THSD4: variants seen among roughly 807,000 people sequenced by gnomAD.
The protein encoded by THSD4 is thrombospondin type 1 domain containing 4, also known as thrombospondin type-1 domain-containing protein 4.
A neutral mutation model predicts 119.0 loss-of-function variants in THSD4; 69 were observed. That is an observed-to-expected ratio of 0.58 (90% CI 0.48 to 0.71). The LOEUF (loss-of-function observed/expected upper bound fraction) is 0.71, where lower values mean the gene tolerates loss of function less well. THSD4 is among the 30% of genes least tolerant of loss of function. The probability of loss-of-function intolerance (pLI) is 0.00; values close to 1 mark genes in which losing one functional copy is unlikely to be tolerated. For missense variants in THSD4, 1,393 were observed against 1,391.1 expected (o/e 1.00, Z -0.02); for synonymous variants, 524 against 540.4 (o/e 0.97, Z 0.42).
At chr15:71,368,296 C>A (rs1400726839) in intron 6 of THSD4, among the ~76,000 whole-genome samples, 3 of 152,102 alleles carry the variant, frequency 2.0e-5, no homozygotes. Context: ...GAATTAGATC[C>A]CATTTGTCAG....
At chr15:71,703,625 G>A (rs1281106540) in intron 8 of THSD4, among the ~76,000 whole-genome samples, 2 of 152,130 alleles carry the variant, frequency 1.3e-5, no homozygotes, top group African/African-American at 4.8e-5. Flanking sequence ...CAAGGGCTTG[G>A]TGCTCTGACA....
intron 6 of THSD4, among the ~76,000 whole-genome samples, chr15:71,274,960 C>T (rs1480201249): frequency 6.6e-6 from 1 of 152,058 alleles, no homozygotes; most frequent in African/African-American, 2.4e-5. Flanking sequence ...CTTAAACTCA[C>T]TGCAAAATAT....
intron 10 of THSD4, among the ~76,000 whole-genome samples, chr15:71,736,502 T>A (rs558952936): frequency 7.2e-5 from 11 of 152,088 alleles, no homozygotes; most frequent in African/African-American, 2.7e-4. Flanking sequence ...TGTCTCTGTC[T>A]TGCTCTCTCT....
At chr15:71,477,052 A>G (rs1227617303) in intron 7 of THSD4, among the ~76,000 whole-genome samples, 1 of 152,214 alleles carries the variant, frequency 6.6e-6, no homozygotes, top group Non-Finnish European at 1.5e-5. Flanking sequence ...AAGTCCCCCA[A>G]ATAGCACTGT....
intron 7 of THSD4, among the ~76,000 whole-genome samples, chr15:71,548,097 G>GTT (rs11397800): frequency 0.18 from 26,405 of 145,616 alleles, 2,480 homozygotes; most frequent in Middle Eastern, 0.23. Flanking sequence ...GTTGGGTACA[G>GTT]TTTTTTTTTT....
At chr15:71,441,916 T>C (rs2047100422) in intron 7 of THSD4, among the ~76,000 whole-genome samples, 1 of 152,130 alleles carries the variant, frequency 6.6e-6, no homozygotes, top group Non-Finnish European at 1.5e-5. Context: ...TTAGTAAGCA[T>C]GCAGTAGCTA....
intron 7 of THSD4, among the ~76,000 whole-genome samples, chr15:71,561,300 A>C (rs570358298): frequency 8.5e-5 from 13 of 152,158 alleles, no homozygotes; most frequent in Non-Finnish European, 1.8e-4. Flanking sequence ...TGGGAGGATC[A>C]TGTCAATATC....
chr15:71,694,574 A>G (rs1414040612), intron 8 of THSD4, among the ~76,000 whole-genome samples: 1 of 152,228 alleles, frequency 6.6e-6, no homozygotes, highest in African/African-American at 2.4e-5. Flanking sequence ...ATTGTAAGAA[A>G]TAATGTGTTA....
intron 5 of THSD4, among the ~76,000 whole-genome samples, chr15:71,251,830 G>T (rs750639331): frequency 5.3e-5 from 8 of 151,982 alleles, no homozygotes; most frequent in Non-Finnish European, 1.0e-4. Flanking sequence ...GATTAACCAG[G>T]GTCACTAGAA....
intron 7 of THSD4, among the ~76,000 whole-genome samples, chr15:71,657,960 A>T (rs2051223448): frequency 6.6e-6 from 1 of 152,140 alleles, no homozygotes; most frequent in Non-Finnish European, 1.5e-5. Context: ...GTTCCATTCT[A>T]ACTGGGCTGG....
chr15:71,248,993 T>C (rs1231120394), intron 5 of THSD4, among the ~76,000 whole-genome samples: 1 of 152,152 alleles, frequency 6.6e-6, no homozygotes, highest in Admixed American at 6.5e-5. Context: ...ATCATCAGCC[T>C]CCTTATCTAG....
Position 71,242,536 on chromosome 15 carries a change from C to G in THSD4, c.465-113C>G. The G allele has an allele frequency of 3.4e-6, 4 of 1,170,394 alleles. No individual in the cohort carries two copies. In the South Asian group the frequency reaches 5.9e-5, roughly 17 times the overall value. 72.5% of individuals were successfully genotyped at this position (1,170,394 alleles called of 1,614,324 possible). On this transcript the variant is annotated intron_variant, in intron 4 of 17. Transcript: ENST00000261862. The stretch of plus-strand genomic sequence containing the variant: ...CTGCTTCCCAGTTCTACCATAGACC[C>G]TTTCCCAAGCTTCCGTTCCTACCTG...
At chr15:71,289,410 G>A (rs1438866444) in intron 6 of THSD4, among the ~76,000 whole-genome samples, 1 of 152,092 alleles carries the variant, frequency 6.6e-6, no homozygotes, top group Non-Finnish European at 1.5e-5. Flanking sequence ...GGTCAGTTGG[G>A]GAACATGCCC....
intron 7 of THSD4, among the ~76,000 whole-genome samples, chr15:71,597,298 C>T (rs1457430347): frequency 1.3e-5 from 2 of 152,092 alleles, no homozygotes; most frequent in Admixed American, 1.3e-4. Flanking sequence ...CAATTGGACT[C>T]TTTAGCAATT....
At chr15:71,359,920 G>C (rs1237119573) in intron 6 of THSD4, among the ~76,000 whole-genome samples, 1 of 152,150 alleles carries the variant, frequency 6.6e-6, no homozygotes, top group Non-Finnish European at 1.5e-5. Flanking sequence ...TTGTTATCTT[G>C]TGTCTGCTGC....
intron 6 of THSD4, among the ~76,000 whole-genome samples, chr15:71,309,219 G>A (rs1468215223): frequency 6.6e-6 from 1 of 152,090 alleles, no homozygotes; most frequent in Non-Finnish European, 1.5e-5. Context: ...CAAATTGCTA[G>A]GATTACAGGC....
At chr15:71,365,999 A>G (rs148172292) in intron 6 of THSD4, among the ~76,000 whole-genome samples, 79 of 152,278 alleles carry the variant, frequency 5.2e-4, no homozygotes, top group South Asian at 2.9e-3. Flanking sequence ...TCAGGTGAGA[A>G]GAGGTGGAGG....
At chr15:71,586,665 C>G (rs1397996528) in intron 7 of THSD4, among the ~76,000 whole-genome samples, 1 of 152,200 alleles carries the variant, frequency 6.6e-6, no homozygotes, top group Non-Finnish European at 1.5e-5. Context: ...GGTCAGGCCA[C>G]TCTGATAATT....
intron 7 of THSD4, among the ~76,000 whole-genome samples, chr15:71,646,570 G>C (rs1258077230): frequency 6.6e-6 from 1 of 152,092 alleles, no homozygotes; most frequent in Non-Finnish European, 1.5e-5. Flanking sequence ...TCTTTAACTT[G>C]ACTTTAAATA....
Sources: allele counts gnomAD v4.1 joint callset (sites outside exome capture counted in the v4.1 genomes callset), GRCh38; gene constraint gnomAD v4.1.1; transcripts MANE v1.5; gene names NCBI Gene and HGNC (gene_info 2026-07-23, HGNC 2026-07-21).